CLASP2: variants seen among roughly 807,000 people sequenced by gnomAD.
CLASP2 encodes the protein CLIP-associating protein 2.
A neutral mutation model predicts 194.4 loss-of-function variants in CLASP2; 47 were observed. The ratio of observed to expected loss-of-function variants is 0.24; its 90% CI spans 0.19 to 0.31. The LOEUF (loss-of-function observed/expected upper bound fraction) is 0.31, where lower values mean the gene tolerates loss of function less well. CLASP2 is among the 10% of genes least tolerant of loss of function. The pLI, the probability that CLASP2 is intolerant of heterozygous loss-of-function variation, is 1.00. For missense variants in CLASP2, 1,445 were observed against 1,823.6 expected (o/e 0.79, Z 3.78); for synonymous variants, 619 against 633.5 (o/e 0.98, Z 0.34).
intron 37 of CLASP2, among the ~76,000 whole-genome samples, chr3:33,507,019 A>T (rs9820141): frequency 0.029 from 4,343 of 151,078 alleles, 205 homozygotes; most frequent in African/African-American, 0.099. Flanking sequence ...GCTCACTGCA[A>T]CCTCTGCCTC....
chr3:33,612,245 GT>G (rs2075322107), intron 12 of CLASP2, among the ~76,000 whole-genome samples, 174 bp from the exon 13 acceptor site: 1 of 152,214 alleles, frequency 6.6e-6, no homozygotes, highest in Non-Finnish European at 1.5e-5. Context: ...TTAATGTAAT[GT>G]AATGATGATA....
chr3:33,714,010 C>T (rs1156539746), intron 1 of CLASP2, among the ~76,000 whole-genome samples: 1 of 152,176 alleles, frequency 6.6e-6, no homozygotes, highest in African/African-American at 2.4e-5. Flanking sequence ...ACCTCCTTCA[C>T]TAATTTACCA....
At chr3:33,509,831 A>T (rs2049260859) in intron 37 of CLASP2, among the ~76,000 whole-genome samples, 1 of 152,238 alleles carries the variant, frequency 6.6e-6, no homozygotes. Context: ...AGCTAAAGAG[A>T]AACACATTAC....
chr3:33,702,203 G>C (rs1278080900), intron 1 of CLASP2, among the ~76,000 whole-genome samples: 1 of 152,070 alleles, frequency 6.6e-6, no homozygotes, highest in South Asian at 2.1e-4. Context: ...AGAAAAAGTT[G>C]GAAGACTCAA....
intron 7 of CLASP2, among the ~76,000 whole-genome samples, chr3:33,650,233 A>G (rs147047714): frequency 2.0e-5 from 3 of 152,368 alleles, no homozygotes; most frequent in Admixed American, 6.5e-5. Context: ...GTGGGCATGC[A>G]TAACAGTAGC....
chr3:33,537,883 T>G (rs2057661196), intron 33 of CLASP2, among the ~76,000 whole-genome samples: 1 of 152,196 alleles, frequency 6.6e-6, no homozygotes, highest in Non-Finnish European at 1.5e-5. Flanking sequence ...GGCTCACACC[T>G]GTAATCCCAG....
intron 22 of CLASP2, among the ~76,000 whole-genome samples, chr3:33,583,121 A>C (rs1350254138): frequency 6.6e-6 from 1 of 152,200 alleles, no homozygotes; most frequent in East Asian, 1.9e-4. Flanking sequence ...GCAAATAGGA[A>C]TCTCAAGAAG....
chr3:33,678,071 G>GA (rs1464600730), intron 6 of CLASP2, among the ~76,000 whole-genome samples: 3 of 151,336 alleles, frequency 2.0e-5, no homozygotes, highest in African/African-American at 4.9e-5. Context: ...AAAAAGCAAA[G>GA]AAAAAAGAGA....
In CLASP2 at chr3:33,606,868, T is replaced by C. The variant is rs1216932285; in HGVS notation, c.1527-110A>G. The C allele has an allele frequency of 1.0e-5, 8 of 769,698 alleles. No individual in the cohort carries two copies. In the Admixed American group the frequency reaches 2.0e-4, roughly 20 times the overall value. The allele number at this position is 769,698 out of a possible 1,614,324, so 47.7% of individuals were successfully genotyped here. A position where few individuals can be genotyped will look rare whatever the true frequency, so the allele number is the denominator to read the frequency against. On this transcript the variant is annotated intron_variant, in intron 15 of 38. Transcript: ENST00000682230. ...AGATAAGCCCACTGGTTTTCAGCAT[T>C]ATCTGATATTTGTCAGGTGAACACT...
chr3:33,684,655 T>C (rs192349300), intron 5 of CLASP2, among the ~76,000 whole-genome samples, 199 bp from the exon 6 acceptor site: 1 of 152,286 alleles, frequency 6.6e-6, no homozygotes, highest in African/African-American at 2.4e-5. Context: ...AAGATGATTT[T>C]ACAGAAATTT....
intron 15 of CLASP2, among the ~76,000 whole-genome samples, 164 bp from the exon 16 acceptor site, chr3:33,606,922 G>C (rs999044760): frequency 3.9e-5 from 6 of 152,196 alleles, no homozygotes; most frequent in African/African-American, 1.2e-4. Context: ...CCAGTGGAAA[G>C]ACTGAAGGCT....
chr3:33,605,254 A>G (rs1481440775), intron 16 of CLASP2, among the ~76,000 whole-genome samples: 1 of 152,204 alleles, frequency 6.6e-6, no homozygotes, highest in Non-Finnish European at 1.5e-5. Context: ...TCTTCAGGTG[A>G]TTTGTATATA....
intron 8 of CLASP2, among the ~76,000 whole-genome samples, chr3:33,641,626 A>T (rs1050771540): frequency 2.6e-5 from 4 of 152,044 alleles, no homozygotes; most frequent in Admixed American, 1.3e-4. Context: ...GCTTTAATTA[A>T]CTGGATAGGA....
rs1431723388 is a variant in CLASP2, at chr3:33,570,785, A to G, written c.2705T>C (p.Val902Ala). 3.8e-6 allele frequency: 6 copies of G among 1,583,766 alleles called. No individual in the cohort carries two copies. The South Asian group carries it at 5.8e-5, about 15-fold the overall frequency. The change falls in exon 26 of 39, where the codon GTT (valine) becomes GCT (alanine). Residue 902 changes from valine (V) to alanine (A), a missense_variant. Physicochemically the swap from Val to Ala is moderately conservative, Grantham distance 64. Coordinates refer to ENST00000682230, the MANE Select transcript of CLASP2 (RefSeq NM_001365631.1). Reference protein sequence around the residue: ...LLKNQRTLSRVELKRLCEIFT... With the variant: ...LLKNQRTLSRAELKRLCEIFT... ...AATTTCACATAATCTTTTCAGTTCAACTCGACTGCCAAGATAATACAGCGG... is the reference window on the plus strand; with the variant it reads ...AATTTCACATAATCTTTTCAGTTCAGCTCGACTGCCAAGATAATACAGCGG...
chr3:33,568,560 A>AAAAAAAAAG (rs1159020850), intron 26 of CLASP2, among the ~76,000 whole-genome samples: 1 of 149,098 alleles, frequency 6.7e-6, no homozygotes, highest in African/African-American at 2.5e-5. Flanking sequence ...TCTCAAAAAA[A>AAAAAAAAAG]AAAAAAAAAA....
intron 16 of CLASP2, among the ~76,000 whole-genome samples, chr3:33,604,711 A>G (rs148349752): frequency 1.7e-3 from 261 of 152,314 alleles, no homozygotes; most frequent in Admixed American, 2.7e-3. Context: ...TTAGCTATGA[A>G]GCAAAAATAA....
chr3:33,678,732 G>C (rs147634106), intron 6 of CLASP2, among the ~76,000 whole-genome samples: 1 of 152,150 alleles, frequency 6.6e-6, no homozygotes, highest in Non-Finnish European at 1.5e-5. Flanking sequence ...AAGACTTTAC[G>C]AGGAAAAGTA....
At chr3:33,650,782 A>C (rs1575266766) in intron 7 of CLASP2, among the ~76,000 whole-genome samples, 1 of 152,062 alleles carries the variant, frequency 6.6e-6, no homozygotes, top group African/African-American at 2.4e-5. Context: ...AGAAGGGAGA[A>C]GGGGACAAAC....
At chr3:33,677,450 A>G (rs1248728517) in intron 6 of CLASP2, among the ~76,000 whole-genome samples, 3 of 151,460 alleles carry the variant, frequency 2.0e-5, no homozygotes, top group African/African-American at 7.3e-5. Flanking sequence ...AAACTATCAC[A>G]AGAACAAAAA....
Sources: gnomAD v4.1 joint callset for allele counts (sites outside exome capture counted in the v4.1 genomes callset) on GRCh38, gnomAD v4.1.1 for gene constraint, MANE v1.5 for transcripts, NCBI Gene and HGNC (gene_info 2026-07-23, HGNC 2026-07-21) for gene names.